Variants in STEAP1B observed in about 807,000 individuals in gnomAD.
STEAP1B encodes the protein STEAP family member 1B.
A neutral mutation model predicts 27.9 loss-of-function variants in STEAP1B; 13 were observed. That is an observed-to-expected ratio of 0.47 (90% CI 0.30 to 0.74). The LOEUF is 0.74. STEAP1B is among the 30% of genes least tolerant of loss of function. The pLI, the probability that STEAP1B is intolerant of heterozygous loss-of-function variation, is 0.06. For synonymous variants in STEAP1B, 86 were observed against 107.1 expected (o/e 0.80, Z 1.22); for missense variants, 250 against 298.7 (o/e 0.84, Z 1.20).
chr7:22,492,319 C>CAAAAAAAAAAAAAAAAAAAAAAAAAAAAA (rs56679156), intron 4 of STEAP1B: 1 of 54,416 alleles, frequency 1.8e-5, no homozygotes, highest in African/African-American at 9.3e-5. Flanking sequence ...ACTTCATCTC[C>CAAAAAAAAAAAAAAAAAAAAAAAAAAAAA]AAAAAAAAAA....
At chr7:22,454,298 G>T (rs1361446352) in intron 4 of STEAP1B, among the ~76,000 whole-genome samples, 1 of 152,074 alleles carries the variant, frequency 6.6e-6, no homozygotes, top group Non-Finnish European at 1.5e-5. Context: ...CTTTTACTCC[G>T]CCAGTTCAAT....
At chr7:22,499,271 G>T (rs1786494163) in intron 1 of STEAP1B, among the ~76,000 whole-genome samples, 2 of 152,190 alleles carry the variant, frequency 1.3e-5, no homozygotes, top group Non-Finnish European at 2.9e-5. Flanking sequence ...TTGAGAATAT[G>T]AAGAAACCCA....
chr7:22,498,453 A>G (rs1786479363), intron 1 of STEAP1B, among the ~76,000 whole-genome samples: 1 of 152,240 alleles, frequency 6.6e-6, no homozygotes, highest in South Asian at 2.1e-4. Flanking sequence ...GTAAGAAATA[A>G]TCCACTATGT....
In STEAP1B at chr7:22,494,763, A is replaced by G; in HGVS notation, c.84+9T>C. The G allele has an allele frequency of 1.4e-6, 2 of 1,456,834 alleles. No homozygotes were observed. Among genetic ancestry groups the G allele is most frequent in the Non-Finnish European group, 1.9e-6 (2 of 1,058,690 alleles). 90.2% of individuals were successfully genotyped at this position (1,456,834 alleles called of 1,614,324 possible). ...TTATTATTTATTATTGTCATTATTAATATTTTACCAAATAATCGTTGTCTT... is the reference window on the plus strand; with the variant it reads ...TTATTATTTATTATTGTCATTATTAGTATTTTACCAAATAATCGTTGTCTT... On this transcript the variant is annotated intron_variant, in intron 2 of 4. Transcript: ENST00000678116.
chr7:22,485,392 A>G (rs952387563), intron 4 of STEAP1B, among the ~76,000 whole-genome samples: 1 of 152,266 alleles, frequency 6.6e-6, no homozygotes. Flanking sequence ...GATGATTATC[A>G]GCATTTTTTT....
rs1308591196 is a variant in STEAP1B, at chr7:22,435,356, A to G, written c.763-15520T>C. On this transcript the variant is annotated intron_variant, in intron 4 of 4. Transcript: ENST00000678116. ...CAGAAGCACCAGGCACAAACAAACCACAGAGAAAAGCTGGAGGGACAGCAC... is the reference window on the plus strand; with the variant it reads ...CAGAAGCACCAGGCACAAACAAACCGCAGAGAAAAGCTGGAGGGACAGCAC... 3.9e-5 allele frequency among the ~76,000 whole-genome samples: 6 copies of G among 152,106 alleles called. No homozygotes were observed. The East Asian group carries it at 1.2e-3, about 29-fold the overall frequency.
At chr7:22,463,755 G>A (rs1434080983) in intron 4 of STEAP1B, among the ~76,000 whole-genome samples, 1 of 152,016 alleles carries the variant, frequency 6.6e-6, no homozygotes, top group Non-Finnish European at 1.5e-5. Flanking sequence ...CTAGCCATAT[G>A]TAGAAAGCTG....
intron 4 of STEAP1B, among the ~76,000 whole-genome samples, chr7:22,443,635 T>G (rs933566016): frequency 3.9e-5 from 6 of 152,192 alleles, no homozygotes; most frequent in African/African-American, 1.4e-4. Context: ...GCTATGCCCT[T>G]TGCACACTGT....
chr7:22,498,910 G>C (rs964378884), intron 1 of STEAP1B, among the ~76,000 whole-genome samples: 4 of 152,214 alleles, frequency 2.6e-5, no homozygotes, highest in African/African-American at 9.6e-5. Flanking sequence ...CCAAGGAAAA[G>C]CCCATGACAG....
intron 4 of STEAP1B, among the ~76,000 whole-genome samples, chr7:22,471,311 T>C (rs58786233): frequency 0.017 from 2,597 of 152,230 alleles, 85 homozygotes; most frequent in African/African-American, 0.06. Context: ...CACTCAAGAG[T>C]TGCAAGGCCT....
intron 4 of STEAP1B, among the ~76,000 whole-genome samples, chr7:22,477,169 A>G (rs1044082259): frequency 1.1e-4 from 16 of 152,214 alleles, no homozygotes; most frequent in Non-Finnish European, 1.6e-4. Flanking sequence ...GTTCCACCTG[A>G]ACTCAAGGGA....
chr7:22,486,161 G>A (rs1205908219), intron 4 of STEAP1B, among the ~76,000 whole-genome samples: 2 of 152,144 alleles, frequency 1.3e-5, no homozygotes, highest in Non-Finnish European at 2.9e-5. Context: ...AGCTCCCCAG[G>A]TGATTTCATT....
At chr7:22,483,347 G>A (rs1283775546) in intron 4 of STEAP1B, among the ~76,000 whole-genome samples, 2 of 152,114 alleles carry the variant, frequency 1.3e-5, no homozygotes, top group South Asian at 2.1e-4. Flanking sequence ...ACAGGCATAC[G>A]TTCATTTTTA....
At chr7:22,457,936 C>A (rs1435800229) in intron 4 of STEAP1B, among the ~76,000 whole-genome samples, 1 of 152,166 alleles carries the variant, frequency 6.6e-6, no homozygotes, top group African/African-American at 2.4e-5. Flanking sequence ...CCCCAAAAAA[C>A]CCCAACAGGA....
At chr7:22,476,320 A>C (rs1298584625) in intron 4 of STEAP1B, among the ~76,000 whole-genome samples, 1 of 152,202 alleles carries the variant, frequency 6.6e-6, no homozygotes, top group Non-Finnish European at 1.5e-5. Context: ...AAGCCAGCAA[A>C]CAAGACATAG....
intron 4 of STEAP1B, among the ~76,000 whole-genome samples, chr7:22,435,382 G>A (rs1407816611): frequency 2.6e-5 from 4 of 151,846 alleles, no homozygotes; most frequent in African/African-American, 4.8e-5. Context: ...GGGACAGCAC[G>A]AAGCTGGTGA....
chr7:22,489,152 A>G (rs1278864843), intron 4 of STEAP1B, among the ~76,000 whole-genome samples: 1 of 152,150 alleles, frequency 6.6e-6, no homozygotes, highest in Non-Finnish European at 1.5e-5. Flanking sequence ...TTCACAAAAG[A>G]ACATAAGACC....
intron 4 of STEAP1B, among the ~76,000 whole-genome samples, chr7:22,475,288 C>T (rs556641145): frequency 6.6e-6 from 1 of 152,336 alleles, no homozygotes; most frequent in African/African-American, 2.4e-5. Context: ...TCACATCCGC[C>T]TGGAGTCAGG....
chr7:22,475,232 G>C (rs1785951209), intron 4 of STEAP1B, among the ~76,000 whole-genome samples: 1 of 152,158 alleles, frequency 6.6e-6, no homozygotes, highest in Non-Finnish European at 1.5e-5. Context: ...CTCCCTGCTG[G>C]CCAGTACACT....
Sources: allele counts gnomAD v4.1 joint callset (sites outside exome capture counted in the v4.1 genomes callset), GRCh38; gene constraint gnomAD v4.1.1; transcripts MANE v1.5; gene names NCBI Gene and HGNC (gene_info 2026-07-23, HGNC 2026-07-21).